FHIP2A: variants seen among roughly 807,000 people sequenced by gnomAD.
The protein encoded by FHIP2A is family with sequence similarity 160 member B1.
In FHIP2A, 46 loss-of-function variants were observed where a neutral mutation model predicts 93.5. The observed-to-expected ratio is 0.49, with a 90% CI of 0.39 to 0.63. The LOEUF (loss-of-function observed/expected upper bound fraction) is 0.63. Among genes scored for constraint, FHIP2A ranks in the 20% least tolerant of loss-of-function variants. The pLI is 0.00. For missense variants in FHIP2A, 769 were observed against 909.7 expected, an observed-to-expected ratio of 0.85 and a Z score of 1.99; for synonymous variants, 332 against 326.5, an observed-to-expected ratio of 1.02 and a Z score of -0.18.
intron 16 of FHIP2A, among the ~76,000 whole-genome samples, chr10:114,888,430 T>C (rs1055727042): frequency 1.3e-5 from 2 of 151,778 alleles, no homozygotes; most frequent in African/African-American, 4.8e-5. Context: ...GAAGTGGAGG[T>C]AGGAAGAATA....
intron 16 of FHIP2A, among the ~76,000 whole-genome samples, chr10:114,888,286 G>A (rs2083953037): frequency 6.6e-6 from 1 of 152,154 alleles, no homozygotes. Flanking sequence ...CTGTTATGAA[G>A]GGTAAGCAGA....
At chr10:114,872,473 T>C (rs2083864623) in intron 16 of FHIP2A, among the ~76,000 whole-genome samples, 1 of 152,230 alleles carries the variant, frequency 6.6e-6, no homozygotes, top group Non-Finnish European at 1.5e-5. Context: ...ATTACATTAT[T>C]TTAGGGCTGC....
At position 114,833,318 on chromosome 10, in the gene FHIP2A, G is replaced by A; in HGVS notation, c.210G>A (p.Arg70=). The change falls in exon 3 of 17, where the codon CGG becomes CGA. Residue 70 remains arginine (R), a synonymous_variant. Transcript: ENST00000369248. ...TACTGGTTCAAGAAGAAAATGAACGGGAATCTGGAGAGACAGGGCCATGTA... is the reference window on the plus strand; with the variant it reads ...TACTGGTTCAAGAAGAAAATGAACGAGAATCTGGAGAGACAGGGCCATGTA... The part of the protein sequence containing the change: ...LDILVQEENE[R]ESGETGPCME... 1 of 1,613,774 alleles carries A rather than the reference G, an allele frequency of 6.2e-7. No homozygotes were observed.
At chr10:114,877,350 A>C (rs2083894892) in intron 16 of FHIP2A, among the ~76,000 whole-genome samples, 1 of 152,200 alleles carries the variant, frequency 6.6e-6, no homozygotes. Context: ...ACTGGAACCC[A>C]TGCAGCTCCT....
chr10:114,859,550 T>C (rs1254528000), intron 14 of FHIP2A, among the ~76,000 whole-genome samples: 1 of 152,188 alleles, frequency 6.6e-6, no homozygotes, highest in Non-Finnish European at 1.5e-5. Flanking sequence ...GCCTCCTCAC[T>C]GTAGTTAGTT....
In FHIP2A at chr10:114,898,197, C is replaced by A. The variant is rs968223164; in HGVS notation, c.2193-1293C>A. On this transcript the variant is annotated intron_variant, in intron 16 of 16. Transcript: ENST00000369250. ...GCTTTGTGATACTGTGGAGCTGGAC[C>A]CTATACATGTTGACCTCTGTCAGCC... is the stretch of plus-strand genomic sequence containing the variant. 2.0e-5 allele frequency among the ~76,000 whole-genome samples: 3 copies of A among 152,062 alleles called. No homozygotes were observed. The East Asian group carries it at 5.8e-4, about 29-fold the overall frequency.
At chr10:114,866,690 A>G (rs2083830931), downstream of FHIP2A, among the ~76,000 whole-genome samples, 3 of 152,230 alleles carry the variant, frequency 2.0e-5, no homozygotes, top group Admixed American at 2.0e-4. Flanking sequence ...TGGTGTTTAC[A>G]AAAATAAATT....
chr10:114,844,778 T>C (rs1302613010), intron 7 of FHIP2A, among the ~76,000 whole-genome samples: 1 of 152,034 alleles, frequency 6.6e-6, no homozygotes, highest in Non-Finnish European at 1.5e-5. Context: ...GCTCCACTGT[T>C]TTTTTGTTTG....
chr10:114,840,634 C>T (rs557318569), intron 5 of FHIP2A, among the ~76,000 whole-genome samples: 1 of 152,240 alleles, frequency 6.6e-6, no homozygotes, highest in East Asian at 1.9e-4. Flanking sequence ...GAATGAAATG[C>T]GTAACTTCAG....
chr10:114,897,485 T>G (rs541459406), intron 16 of FHIP2A, among the ~76,000 whole-genome samples: 1 of 152,350 alleles, frequency 6.6e-6, no homozygotes, highest in East Asian at 1.9e-4. Context: ...AAGCATTTTA[T>G]TACTAAATAA....
intron 13 of FHIP2A, among the ~76,000 whole-genome samples, chr10:114,849,803 C>T (rs1169270774): frequency 2.6e-5 from 4 of 152,150 alleles, no homozygotes; most frequent in Admixed American, 6.5e-5. Flanking sequence ...CCCTGGCAGC[C>T]GCTCATCTAC....
chr10:114,836,310 T>C, intron 5 of FHIP2A, 64 bp downstream of exon 5: 1 of 1,295,048 alleles, frequency 7.7e-7, no homozygotes. Flanking sequence ...GAAAATTGAA[T>C]TATGTGAATA....
At position 114,861,349 on chromosome 10, in the gene FHIP2A, T is replaced by G. The variant is rs1441197957; in HGVS notation, c.2192+15T>G. The G allele has an allele frequency of 6.2e-7, 1 of 1,613,488 alleles. No homozygotes were observed. The highest frequency in any genetic ancestry group is 1.3e-5 in the African/African-American group (1 of 74,866). On this transcript the variant is annotated intron_variant, in intron 16 of 16. Transcript: ENST00000369248. ...GAAGGCCCTATGTAAGTTAGTGTTT[T>G]ACATTTTTTTAATCCAAAAATTTCA...
intron 16 of FHIP2A, among the ~76,000 whole-genome samples, chr10:114,879,227 T>C (rs1260094420): frequency 6.6e-6 from 1 of 152,182 alleles, no homozygotes; most frequent in Non-Finnish European, 1.5e-5. Context: ...AAGACTGCAT[T>C]GTGATCTGAT....
In FHIP2A at chr10:114,862,364, CT is replaced by C. The variant is rs1048333582; in HGVS notation, c.*825del. On this transcript the variant is annotated 3_prime_UTR_variant, in exon 17 of 17. Coordinates refer to ENST00000369248, the MANE Select transcript of FHIP2A (RefSeq NM_020940.4). The stretch of plus-strand genomic sequence containing the variant: ...ACTGGGTTGAGAACCTTTTTCCCCC[CT>C]CTCCCTCTCAGAAAATTGCTTTATA... 1.8e-5 allele frequency: 18 copies of C among 987,238 alleles called. No homozygotes were observed. The highest frequency in any genetic ancestry group is 6.2e-5 in the Admixed American group (1 of 16,258). 61.2% of individuals were successfully genotyped at this position (987,238 alleles called of 1,614,324 possible).
At position 114,845,731 on chromosome 10, in the gene FHIP2A, T is replaced by G. The variant is rs548397419; in HGVS notation, c.1128+250T>G. On this transcript the variant is annotated intron_variant, in intron 8 of 16. Transcript: ENST00000369248. ...GGTACAGTACTTTACAAAGTAACACTGATTTCCCTTCAGTCCTGCTCTTTG... is the reference window on the plus strand; with the variant it reads ...GGTACAGTACTTTACAAAGTAACACGGATTTCCCTTCAGTCCTGCTCTTTG... Among the ~76,000 whole-genome samples, 9 of 152,226 alleles carry G rather than the reference T, an allele frequency of 5.9e-5. No homozygotes were observed. The South Asian group carries it at 1.9e-3, about 32-fold the overall frequency.
chr10:114,872,238 T>C (rs1481955225), intron 16 of FHIP2A, among the ~76,000 whole-genome samples: 2 of 152,010 alleles, frequency 1.3e-5, no homozygotes, highest in African/African-American at 2.4e-5. Context: ...AGGCCTTGGG[T>C]TCAAAGCTTC....
chr10:114,886,422 G>T (rs978712726), intron 16 of FHIP2A, among the ~76,000 whole-genome samples: 2 of 148,684 alleles, frequency 1.3e-5, no homozygotes, highest in Non-Finnish European at 3.0e-5. Flanking sequence ...TTCTCTGAAA[G>T]AAAAAAAAAC....
chr10:114,839,398 A>T (rs1356277116), intron 5 of FHIP2A, among the ~76,000 whole-genome samples: 1 of 152,166 alleles, frequency 6.6e-6, no homozygotes, highest in Non-Finnish European at 1.5e-5. Context: ...AAGTGCCAGG[A>T]TTATAGGCAT....
Sources: allele counts gnomAD v4.1 joint callset (sites outside exome capture counted in the v4.1 genomes callset), GRCh38; gene constraint gnomAD v4.1.1; transcripts MANE v1.5; gene names NCBI Gene and HGNC (gene_info 2026-07-23, HGNC 2026-07-21).